Variants in FZD3 observed in about 807,000 individuals in gnomAD.
The protein encoded by FZD3 is frizzled class receptor 3.
FZD3 carries 30 observed loss-of-function variants against 60.7 expected under a neutral mutation model. That is an observed-to-expected ratio of 0.49 (90% CI 0.37 to 0.67). The LOEUF is 0.67. FZD3 is among the 30% of genes least tolerant of loss of function. The pLI is 0.00. For missense variants in FZD3, 605 were observed against 838.7 expected, an observed-to-expected ratio of 0.72 and a Z score of 3.44; for synonymous variants, 246 against 275.2, an observed-to-expected ratio of 0.89 and a Z score of 1.05.
At chr8:28,556,047 A>G in intron 7 of FZD3, 76 bp downstream of exon 7, 1 of 930,382 alleles carries the variant, frequency 1.1e-6, no homozygotes, top group Non-Finnish European at 1.7e-6. Context: ...GGAGCAGCCA[A>G]TTCTGAAATA....
Position 28,502,975 on chromosome 8 carries a change from T to C in FZD3, c.-39T>C. On this transcript the variant is annotated 5_prime_UTR_variant, in exon 3 of 8. Coordinates refer to ENST00000240093, the MANE Select transcript of FZD3 (RefSeq NM_017412.4). Reference sequence around the variant, plus strand: ...ATAAATATCTAAAATACATATTGAATAGGCCTGATCATCTGAATCTCCTTC... The same window carrying C: ...ATAAATATCTAAAATACATATTGAACAGGCCTGATCATCTGAATCTCCTTC... 1.4e-6 allele frequency: 2 copies of C among 1,397,128 alleles called. No individual in the cohort carries two copies. The highest frequency in any genetic ancestry group is 2.0e-6 in the Non-Finnish European group (2 of 990,710). 86.5% of individuals were successfully genotyped at this position (1,397,128 alleles called of 1,614,324 possible). A position where few individuals can be genotyped will look rare whatever the true frequency, so the allele number is the denominator to read the frequency against.
At chr8:28,559,384 A>G (rs929279418) in intron 7 of FZD3, among the ~76,000 whole-genome samples, 1 of 152,104 alleles carries the variant, frequency 6.6e-6, no homozygotes, top group Non-Finnish European at 1.5e-5. Context: ...GTTACTATCT[A>G]TTTTCCACAT....
rs12676003 is a variant in FZD3 at position 28,546,701 on chromosome 8, C to T, written c.1405-4902C>T. ...AAGTTTTTAATGGTTCGAGGCTGGGCGCAGTGGCTCACGCCTGTAATCCCA... is the reference window on the plus strand; with the variant it reads ...AAGTTTTTAATGGTTCGAGGCTGGGTGCAGTGGCTCACGCCTGTAATCCCA... On this transcript the variant is annotated intron_variant, in intron 5 of 7. Transcript: ENST00000240093. Among the ~76,000 whole-genome samples the T allele has an allele frequency of 4.8e-3, 726 of 152,158 alleles. 27 individuals are homozygous for T. The East Asian group carries it at 0.091, about 19-fold the overall frequency.
intron 6 of FZD3, among the ~76,000 whole-genome samples, chr8:28,552,370 C>G (rs1484020426): frequency 1.3e-5 from 2 of 152,128 alleles, no homozygotes; most frequent in African/African-American, 4.8e-5. Flanking sequence ...GGCCATACTG[C>G]ATATTACAGT....
rs143748208 is a variant in FZD3 at position 28,508,050 on chromosome 8, G to A, written c.189+4848G>A. ...TCTACAGGTACATGCCATCATGCCT[G>A]GCTAATTTTAAAGAACTTTTTTTTT... On this transcript the variant is annotated intron_variant, in intron 3 of 7. Transcript: ENST00000240093. Among the ~76,000 whole-genome samples the A allele has an allele frequency of 2.5e-3, 380 of 152,110 alleles. 1 individual carries two copies. Among genetic ancestry groups the A allele is most frequent in the African/African-American group, 8.7e-3 (360 of 41,486 alleles).
chr8:28,550,545 G>C (rs1286325221), intron 5 of FZD3, among the ~76,000 whole-genome samples: 1 of 122,452 alleles, frequency 8.2e-6, no homozygotes, highest in Non-Finnish European at 1.6e-5. Context: ...AAGCTGGAGT[G>C]CAGTAGCACA....
At chr8:28,550,519 T>C (rs1485587368) in intron 5 of FZD3, among the ~76,000 whole-genome samples, 1 of 140,386 alleles carries the variant, frequency 7.1e-6, no homozygotes, top group South Asian at 2.4e-4. Flanking sequence ...AGACATTGAG[T>C]CTCATTCTGT....
chr8:28,544,871 A>T (rs577487467), intron 5 of FZD3, among the ~76,000 whole-genome samples: 1 of 152,296 alleles, frequency 6.6e-6, no homozygotes, highest in South Asian at 2.1e-4. Context: ...AAGAAGTCCA[A>T]GGTTGAAGGG....
chr8:28,500,165 C>T (rs1015180343), intron 2 of FZD3, among the ~76,000 whole-genome samples, 187 bp downstream of exon 2: 1 of 152,162 alleles, frequency 6.6e-6, no homozygotes, highest in African/African-American at 2.4e-5. Flanking sequence ...TTTTAATAAT[C>T]ATAAACTGCA....
rs1160980478 is a variant in FZD3, at chr8:28,564,897, C to T, written c.*1886C>T. ...TACGTACTCTACCTACCTCACAAAG[C>T]TGTCAGATTAAGATCAAGTGAAAAA... is the stretch of plus-strand genomic sequence containing the variant. On this transcript the variant is annotated 3_prime_UTR_variant, in exon 8 of 8. Coordinates refer to ENST00000240093, the MANE Select transcript of FZD3 (RefSeq NM_017412.4). 1 of 152,128 alleles carries T rather than the reference C, an allele frequency of 6.6e-6. No homozygotes were observed. Among genetic ancestry groups the T allele is most frequent in the East Asian group, 1.9e-4 (1 of 5,196 alleles). 9.4% of individuals were successfully genotyped at this position (152,128 alleles called of 1,614,324 possible).
In FZD3 at chr8:28,546,220, A is replaced by G. The variant is rs10110382; in HGVS notation, c.1405-5383A>G. 5.2e-3 allele frequency among the ~76,000 whole-genome samples: 794 copies of G among 152,296 alleles called. 5 individuals are homozygous for G. The highest frequency in any genetic ancestry group is 0.016 in the African/African-American group (668 of 41,560). On this transcript the variant is annotated intron_variant, in intron 5 of 7. Transcript: ENST00000240093. ...GTATAATTTTGAAACATAAATGGTG[A>G]TCATATTTGGCACATCAGTCTACAC...
rs1805769063 is a variant in FZD3, at chr8:28,569,634, A to G, written c.*6623A>G. On this transcript the variant is annotated 3_prime_UTR_variant, in exon 8 of 8. Transcript: ENST00000240093. ...ATTTACATGTAAATTGATGGGATTC[A>G]GATATTTTATCAACTGTTTTTCCAT... 6.6e-6 allele frequency: 1 copy of G among 152,152 alleles called. No homozygotes were observed. The highest frequency in any genetic ancestry group is 2.1e-4 in the South Asian group (1 of 4,830). The allele number at this position is 152,152 out of a possible 1,614,324, so 9.4% of individuals were successfully genotyped here.
chr8:28,564,661 G>A lies in FZD3; in HGVS notation c.*1650G>A, dbSNP rs958192322. 8 of 152,138 alleles carry A rather than the reference G, an allele frequency of 5.3e-5. No homozygotes were observed. Among genetic ancestry groups the A allele is most frequent in the African/African-American group, 1.7e-4 (7 of 41,434 alleles). 9.4% of individuals were successfully genotyped at this position (152,138 alleles called of 1,614,324 possible). ...CTGTACTCCTAGAGAGACTTACTCA[G>A]TAAGGCCAAAGTGATAGGACTTTAA... is the stretch of plus-strand genomic sequence containing the variant. On this transcript the variant is annotated 3_prime_UTR_variant, in exon 8 of 8. Coordinates refer to ENST00000240093, the MANE Select transcript of FZD3 (RefSeq NM_017412.4).
At chr8:28,546,350 G>A (rs1805292481) in intron 5 of FZD3, among the ~76,000 whole-genome samples, 1 of 152,184 alleles carries the variant, frequency 6.6e-6, no homozygotes, top group African/African-American at 2.4e-5. Context: ...GGCAGATGCT[G>A]CAAATCAGGG....
chr8:28,517,018 A>C (rs908885497), intron 3 of FZD3, among the ~76,000 whole-genome samples: 2 of 152,134 alleles, frequency 1.3e-5, no homozygotes, highest in Admixed American at 1.3e-4. Flanking sequence ...GTTGGCACAG[A>C]GTATTCATTT....
At chr8:28,516,372 A>G (rs370299349) in intron 3 of FZD3, among the ~76,000 whole-genome samples, 25 of 152,318 alleles carry the variant, frequency 1.6e-4, no homozygotes, top group African/African-American at 6.0e-4. Flanking sequence ...TGTTTTGGCT[A>G]TTCAGAGTCT....
chr8:28,523,238 C>CT (rs1374926946), intron 4 of FZD3, among the ~76,000 whole-genome samples: 3 of 152,090 alleles, frequency 2.0e-5, no homozygotes, highest in Non-Finnish European at 2.9e-5. Flanking sequence ...GCTGGAGAGT[C>CT]TAAGATCAAG....
chr8:28,506,013 A>G (rs1325339229), intron 3 of FZD3, among the ~76,000 whole-genome samples: 1 of 152,178 alleles, frequency 6.6e-6, no homozygotes, highest in East Asian at 1.9e-4. Flanking sequence ...TCCCCTGTGT[A>G]TGAGTAGCTT....
rs113708900 is a variant in FZD3, at chr8:28,543,582, T to C, written c.1405-8021T>C. 7.1e-4 allele frequency among the ~76,000 whole-genome samples: 108 copies of C among 152,252 alleles called. 2 individuals are homozygous for C. The highest frequency in any genetic ancestry group is 2.5e-3 in the African/African-American group (102 of 41,554). On this transcript the variant is annotated intron_variant, in intron 5 of 7. Coordinates refer to ENST00000240093, the MANE Select transcript of FZD3 (RefSeq NM_017412.4). Reference sequence around the variant, plus strand: ...TTTTGGTAGAGACGGTGTTTCGCCATGTTGGCCAGGCTGATCTCGAACTCC... The same window carrying C: ...TTTTGGTAGAGACGGTGTTTCGCCACGTTGGCCAGGCTGATCTCGAACTCC...
Sources: allele counts gnomAD v4.1 joint callset (sites outside exome capture counted in the v4.1 genomes callset), GRCh38; gene constraint gnomAD v4.1.1; transcripts MANE v1.5; gene names NCBI Gene and HGNC (gene_info 2026-07-23, HGNC 2026-07-21).